Variants in EDDM13 observed in about 807,000 individuals in gnomAD.
The protein encoded by EDDM13 is epididymal protein 13.
Under a neutral mutation model 17.8 loss-of-function variants are expected in EDDM13, and 24 were observed. That is an observed-to-expected ratio of 1.35 (90% CI 0.98 to 1.90). The LOEUF (loss-of-function observed/expected upper bound fraction) is 1.90. EDDM13 is among the 40% of genes most tolerant of loss of function. The pLI, the probability that EDDM13 is intolerant of heterozygous loss-of-function variation, is 0.00. For synonymous variants in EDDM13, 31 were observed against 37.5 expected (o/e 0.83, Z 0.63); for missense variants, 97 against 100.8 (o/e 0.96, Z 0.16).
At chr19:56,285,714 C>T (rs1052104102) in intron 6 of EDDM13, among the ~76,000 whole-genome samples, 3 of 151,760 alleles carry the variant, frequency 2.0e-5, no homozygotes, top group Admixed American at 6.6e-5. Flanking sequence ...CTCCTGACCT[C>T]GTGATCCGCC....
At chr19:56,307,120 C>T (rs935226365) in intron 14 of EDDM13, among the ~76,000 whole-genome samples, 3 of 109,786 alleles carry the variant, frequency 2.7e-5, no homozygotes, top group African/African-American at 1.1e-4. Context: ...AAAGAGGCTC[C>T]TCCCTGGCCT....
intron 14 of EDDM13, among the ~76,000 whole-genome samples, chr19:56,308,945 C>G (rs980643523): frequency 2.0e-5 from 3 of 152,214 alleles, no homozygotes; most frequent in African/African-American, 4.8e-5. Flanking sequence ...GGCAAACTTT[C>G]TCTGTGAAGG....
At chr19:56,301,119 A>G (rs1353134949) in intron 12 of EDDM13, among the ~76,000 whole-genome samples, 5 of 152,306 alleles carry the variant, frequency 3.3e-5, no homozygotes, top group Admixed American at 2.6e-4. Context: ...ATCTCGTGCA[A>G]GAAAGAATTT....
chr19:56,297,361 C>T (rs1455483204), intron 11 of EDDM13, 144 bp from the exon 12 acceptor site: 2 of 163,774 alleles, frequency 1.2e-5, no homozygotes, highest in African/African-American at 2.4e-5. Context: ...CTTTTCTCCT[C>T]CTCTTCCTCT....
At chr19:56,289,906 T>A (rs1600199318) in intron 8 of EDDM13, among the ~76,000 whole-genome samples, 1 of 152,140 alleles carries the variant, frequency 6.6e-6, no homozygotes, top group African/African-American at 2.4e-5. Flanking sequence ...GAGCCACCAC[T>A]TCTGACCCTC....
chr19:56,276,981 A>G (rs1211238223), intron 2 of EDDM13, among the ~76,000 whole-genome samples: 1 of 152,208 alleles, frequency 6.6e-6, no homozygotes, highest in East Asian at 1.9e-4. Flanking sequence ...ATAAGCACAT[A>G]AAAAGATGCT....
At chr19:56,281,267 G>A (rs955794815) in intron 2 of EDDM13, among the ~76,000 whole-genome samples, 1 of 152,134 alleles carries the variant, frequency 6.6e-6, no homozygotes, top group Admixed American at 6.6e-5. Flanking sequence ...TTCTGTCTCA[G>A]GGGTGGCAGA....
At chr19:56,301,008 C>A (rs2040191412) in intron 12 of EDDM13, among the ~76,000 whole-genome samples, 1 of 152,048 alleles carries the variant, frequency 6.6e-6, no homozygotes, top group Non-Finnish European at 1.5e-5. Context: ...TGGGCAGAGG[C>A]AGCCATCAAG....
chr19:56,278,966 T>C (rs761751492), intron 2 of EDDM13, among the ~76,000 whole-genome samples: 6 of 152,176 alleles, frequency 3.9e-5, no homozygotes, highest in Non-Finnish European at 8.8e-5. Context: ...CTTCCCTACC[T>C]AGTCTTCCAA....
At chr19:56,297,595 T>C in intron 12 of EDDM13, 64 bp downstream of exon 12, 7 of 895,316 alleles carry the variant, frequency 7.8e-6, no homozygotes, top group Non-Finnish European at 9.4e-6. Context: ...GTCTGGGCTA[T>C]GATAAAGCCT....
At chr19:56,277,533 G>A (rs924744175) in intron 2 of EDDM13, among the ~76,000 whole-genome samples, 11 of 151,984 alleles carry the variant, frequency 7.2e-5, no homozygotes, top group African/African-American at 2.7e-4. Context: ...TCCAGGGGGT[G>A]AGGGGTGGGG....
chr19:56,291,630 A>G (rs2039514647), intron 9 of EDDM13, among the ~76,000 whole-genome samples: 1 of 152,062 alleles, frequency 6.6e-6, no homozygotes. Context: ...AACAGCACTG[A>G]AACCTAAGAG....
At chr19:56,276,699 G>A (rs112311939) in intron 2 of EDDM13, among the ~76,000 whole-genome samples, 109 of 151,828 alleles carry the variant, frequency 7.2e-4, no homozygotes, top group African/African-American at 2.5e-3. Context: ...CACCATGCCC[G>A]GCTAATTTTG....
chr19:56,286,504 T>C (rs911801297), intron 6 of EDDM13: 3 of 152,164 alleles, frequency 2.0e-5, no homozygotes, highest in Non-Finnish European at 4.4e-5. Context: ...AAAGTTGCTT[T>C]ATACCGCTTG....
intron 6 of EDDM13, among the ~76,000 whole-genome samples, 176 bp from the exon 7 acceptor site, chr19:56,288,209 C>T (rs573297416): frequency 2.0e-5 from 3 of 152,188 alleles, no homozygotes; most frequent in Non-Finnish European, 2.9e-5. Flanking sequence ...TCTCCAGCCA[C>T]GTCTTGTACC....
intron 14 of EDDM13, among the ~76,000 whole-genome samples, chr19:56,309,023 T>C (rs895340785): frequency 3.9e-5 from 6 of 152,216 alleles, no homozygotes; most frequent in Non-Finnish European, 8.8e-5. Context: ...AAAGCAATCG[T>C]AGAGAATACA....
intron 13 of EDDM13, 106 bp from the exon 14 acceptor site, chr19:56,304,687 G>GA (rs2147303197): frequency 1.6e-6 from 1 of 625,812 alleles, no homozygotes; most frequent in South Asian, 7.1e-5. Flanking sequence ...GGGAGGACGG[G>GA]AAAGAAGCGA....
chr19:56,288,889 A>G lies in EDDM13; in HGVS notation c.224A>G (p.Glu75Gly), dbSNP rs2039323730. The change falls in exon 8 of 15, where the codon GAA becomes GGA. Residue 75 changes from glutamate to glycine, a missense_variant and splice_region_variant. Coordinates refer to ENST00000649256, the MANE Select transcript of EDDM13 (RefSeq NM_001354658.2). ...TAGCCTCCAGATAGGACAGAAGAAG[A>G]AAGTAAGTACTGTGACAGTTTTTGT... ...LVSPQDRTEE[E>G]IKKILGLLSL... is the part of the protein sequence containing the mutation. Among the ~76,000 whole-genome samples the G allele has an allele frequency of 6.6e-6, 1 of 152,202 alleles. No homozygotes were observed. Among genetic ancestry groups the G allele is most frequent in the Non-Finnish European group, 1.5e-5 (1 of 68,036 alleles).
In EDDM13 at chr19:56,298,969, C is replaced by G. The variant is rs144466765; in HGVS notation, c.295+1438C>G. On this transcript the variant is annotated intron_variant, in intron 12 of 14. Transcript: ENST00000649256. ...TATTAGCAAGTGCAATTTGGCAATA[C>G]ATGTTAAACAATCATGACTAAATTC... 2.7e-4 allele frequency among the ~76,000 whole-genome samples: 41 copies of G among 152,278 alleles called. No homozygotes were observed. The East Asian group carries it at 7.9e-3, about 29-fold the overall frequency.
Sources: allele counts gnomAD v4.1 joint callset (sites outside exome capture counted in the v4.1 genomes callset), GRCh38; gene constraint gnomAD v4.1.1; transcripts MANE v1.5; gene names NCBI Gene and HGNC (gene_info 2026-07-23, HGNC 2026-07-21).